The following ADAMTS17 variants were observed in gnomAD, a reference collection of about 807,000 sequenced individuals.
The protein encoded by ADAMTS17 is ADAM metallopeptidase with thrombospondin type 1 motif 17.
Under a neutral mutation model 141.5 loss-of-function variants are expected in ADAMTS17, and 113 were observed. The observed-to-expected ratio is 0.80, with a 90% CI of 0.69 to 0.93. ADAMTS17 has a LOEUF of 0.93. Ranked by LOEUF, ADAMTS17 falls within the 40% of genes least tolerant of loss-of-function variation. The pLI is 0.00. For missense variants in ADAMTS17, 1,659 were observed against 1,517.9 expected (o/e 1.09, Z -1.54); for synonymous variants, 768 against 630.6 (o/e 1.22, Z -3.27).
intron 13 of ADAMTS17, among the ~76,000 whole-genome samples, chr15:100,111,711 C>T (rs1315349101): frequency 6.6e-6 from 1 of 152,226 alleles, no homozygotes; most frequent in Non-Finnish European, 1.5e-5. Flanking sequence ...GTGATTTGCT[C>T]AACAGCTGCA....
chr15:100,242,247 T>G (rs1409374549), intron 7 of ADAMTS17, among the ~76,000 whole-genome samples: 1 of 152,186 alleles, frequency 6.6e-6, no homozygotes, highest in African/African-American at 2.4e-5. Flanking sequence ...CTTTACACCG[T>G]GAGTCCAGCG....
chr15:100,132,029 G>A lies in ADAMTS17; in HGVS notation c.1699C>T (p.Gln567Ter). The A allele has an allele frequency of 1.9e-6, 3 of 1,614,178 alleles. No homozygotes were observed. The highest frequency in any genetic ancestry group is 2.5e-6 in the Non-Finnish European group (3 of 1,180,030). Reference sequence around the variant, plus strand: ...TACGGGGGGTTGTCACATTTCCTCTGCCTGAAGCGGGCTCCCGTCCCACAT... The same window carrying A: ...TACGGGGGGTTGTCACATTTCCTCTACCTGAAGCGGGCTCCCGTCCCACAT... ...RTCGTGARFR[Q>*]RKCDNPPPGP... The change falls in exon 12 of 22, where the codon CAG becomes TAG. Residue 567 changes from glutamine to a stop codon, truncating the protein, a stop_gained. Transcript: ENST00000268070. LOFTEE classifies it high-confidence loss of function.
chr15:100,155,312 A>G lies in ADAMTS17; in HGVS notation c.1190T>C (p.Met397Thr). The change falls in exon 9 of 22, where the codon ATG (methionine) becomes ACG (threonine). Residue 397 changes from methionine to threonine, a missense_variant. Coordinates refer to ENST00000268070, the MANE Select transcript of ADAMTS17 (RefSeq NM_139057.4). ...IAHELGHNLG[M>T]NHDDDHSSCA... Reference sequence around the variant, plus strand: ...AGATGAGTGGTCATCGTCGTGGTTCATGCCCAAGCTGTCCAAGAAGGAGGA... The same window carrying G: ...AGATGAGTGGTCATCGTCGTGGTTCGTGCCCAAGCTGTCCAAGAAGGAGGA... The G allele has an allele frequency of 6.2e-7, 1 of 1,613,768 alleles. No individual in the cohort carries two copies. The highest frequency in any genetic ancestry group is 8.5e-7 in the Non-Finnish European group (1 of 1,179,828).
rs544724034 is a variant in ADAMTS17, at chr15:100,046,269, C to T, written c.2591+2588G>A. ...AGGAGGGCTGGTCCAATATAAGCTA[C>T]TCTATCGTTACAGGAAGCAGAATCC... On this transcript the variant is annotated intron_variant, in intron 18 of 21. Coordinates refer to ENST00000268070, the MANE Select transcript of ADAMTS17 (RefSeq NM_139057.4). 9.4e-4 allele frequency among the ~76,000 whole-genome samples: 143 copies of T among 152,264 alleles called. 1 individual carries two copies. Among genetic ancestry groups the T allele is most frequent in the Non-Finnish European group, 1.2e-3 (83 of 68,030 alleles).
intron 4 of ADAMTS17, among the ~76,000 whole-genome samples, chr15:100,270,349 C>CCATA (rs75155777): frequency 0.071 from 10,800 of 152,122 alleles, 614 homozygotes; most frequent in East Asian, 0.23. Flanking sequence ...AGGAGATGGC[C>CCATA]CATAGTTCAG....
chr15:100,332,722 T>TA (rs1283097896), intron 2 of ADAMTS17, among the ~76,000 whole-genome samples: 1 of 152,182 alleles, frequency 6.6e-6, no homozygotes, highest in African/African-American at 2.4e-5. Flanking sequence ...CTTAGCACCT[T>TA]AGGGAAGGTT....
At chr15:100,154,734 C>A (rs925918059) in intron 9 of ADAMTS17, among the ~76,000 whole-genome samples, 4 of 152,164 alleles carry the variant, frequency 2.6e-5, no homozygotes, top group African/African-American at 9.6e-5. Flanking sequence ...CACAGCCCTC[C>A]CCTCCCCAGA....
intron 18 of ADAMTS17, among the ~76,000 whole-genome samples, chr15:100,034,977 C>T (rs1047326497): frequency 6.6e-6 from 1 of 152,214 alleles, no homozygotes; most frequent in East Asian, 1.9e-4. Context: ...TGGAAGGCCA[C>T]CTTCCTTGGA....
At chr15:100,041,597 A>G (rs1023194588) in intron 18 of ADAMTS17, among the ~76,000 whole-genome samples, 6 of 152,350 alleles carry the variant, frequency 3.9e-5, no homozygotes, top group South Asian at 2.1e-4. Flanking sequence ...GGCCATGGCC[A>G]TAACAGCTGG....
intron 7 of ADAMTS17, among the ~76,000 whole-genome samples, chr15:100,247,128 C>T (rs907104567): frequency 6.6e-6 from 1 of 152,064 alleles, no homozygotes; most frequent in Non-Finnish European, 1.5e-5. Context: ...CTCAAGTGAT[C>T]CACCCACCTC....
chr15:100,028,794 C>T (rs1463405250), intron 18 of ADAMTS17, among the ~76,000 whole-genome samples: 1 of 152,212 alleles, frequency 6.6e-6, no homozygotes, highest in Non-Finnish European at 1.5e-5. Context: ...CTGCCATGCT[C>T]TTTGCCTGCT....
Position 99,997,685 on chromosome 15 carries a change from G to C in ADAMTS17, c.2592-96C>G. 6.7e-7 allele frequency: 1 copy of C among 1,486,684 alleles called. No homozygotes were observed. The highest frequency in any genetic ancestry group is 1.4e-5 in the African/African-American group (1 of 72,580). The allele number at this position is 1,486,684 out of a possible 1,614,324, so 92.1% of individuals were successfully genotyped here. A position where few individuals can be genotyped will look rare whatever the true frequency, so the allele number is the denominator to read the frequency against. ...CGGATCCTGGAATTGCTGCCCTGTG[G>C]TGGGAGAGAGGGAGGCAGACTCAGG... On this transcript the variant is annotated intron_variant, in intron 18 of 21. Coordinates refer to ENST00000268070, the MANE Select transcript of ADAMTS17 (RefSeq NM_139057.4). The surrounding 1 kb of genome is among the most constrained non-coding windows in gnomAD (Gnocchi z 4.7).
intron 18 of ADAMTS17, among the ~76,000 whole-genome samples, chr15:100,010,665 C>T (rs1017764157): frequency 7.9e-5 from 12 of 152,194 alleles, no homozygotes; most frequent in East Asian, 5.8e-4. Context: ...AACTCTGTTA[C>T]GAGAACAACC....
chr15:100,327,627 G>A (rs1474596307), intron 3 of ADAMTS17, among the ~76,000 whole-genome samples: 2 of 152,212 alleles, frequency 1.3e-5, no homozygotes, highest in Non-Finnish European at 2.9e-5. Flanking sequence ...TCATAATGGA[G>A]AAATTAAAAC....
chr15:100,337,164 G>A (rs933320736), intron 2 of ADAMTS17, among the ~76,000 whole-genome samples: 3 of 152,214 alleles, frequency 2.0e-5, no homozygotes, highest in African/African-American at 4.8e-5. Flanking sequence ...GTAAGCCACC[G>A]CACCTGGCTG....
intron 3 of ADAMTS17, among the ~76,000 whole-genome samples, chr15:100,301,139 C>A (rs1281254634): frequency 6.6e-6 from 1 of 152,160 alleles, no homozygotes; most frequent in Non-Finnish European, 1.5e-5. Context: ...GTTTTACCAC[C>A]TTTTAAGTTG....
intron 7 of ADAMTS17, among the ~76,000 whole-genome samples, chr15:100,235,754 C>G (rs570989724): frequency 1.3e-5 from 2 of 152,308 alleles, no homozygotes; most frequent in African/African-American, 4.8e-5. Flanking sequence ...GCTGGGGGCA[C>G]TGAAACAAGA....
chr15:99,994,263 G>GT (rs144880906), intron 19 of ADAMTS17, among the ~76,000 whole-genome samples: 3,383 of 152,262 alleles, frequency 0.022, 117 homozygotes, highest in African/African-American at 0.077. Flanking sequence ...TACTTGCTCA[G>GT]TTTACCACAA....
intron 20 of ADAMTS17, among the ~76,000 whole-genome samples, chr15:99,985,096 G>C (rs2060559525): frequency 6.6e-6 from 1 of 152,274 alleles, no homozygotes; most frequent in Non-Finnish European, 1.5e-5. Context: ...CATGGCCCAG[G>C]TCTCGGACTT....
Sources: allele counts gnomAD v4.1 joint callset (sites outside exome capture counted in the v4.1 genomes callset), GRCh38; gene constraint gnomAD v4.1.1; non-coding constraint Gnocchi (gnomAD v3.1); transcripts MANE v1.5; gene names NCBI Gene and HGNC (gene_info 2026-07-23, HGNC 2026-07-21).